IFT80: variants seen among roughly 807,000 people sequenced by gnomAD.
IFT80 encodes the protein intraflagellar transport 80.
In IFT80, 79 loss-of-function variants were observed where a neutral mutation model predicts 107.9. The observed-to-expected ratio is 0.73, with a 90% confidence interval of 0.61 to 0.88. The LOEUF (loss-of-function observed/expected upper bound fraction) is 0.88. Among genes scored for constraint, IFT80 ranks in the 40% least tolerant of loss-of-function variants. The probability of loss-of-function intolerance (pLI) is 0.00; values close to 1 mark genes in which losing one functional copy is unlikely to be tolerated. For missense variants in IFT80, 797 were observed against 914.2 expected (o/e 0.87, Z 1.65); for synonymous variants, 299 against 300.9 (o/e 0.99, Z 0.07).
At chr3:160,299,716 C>G (rs1046547709) in intron 12 of IFT80, among the ~76,000 whole-genome samples, 2 of 152,204 alleles carry the variant, frequency 1.3e-5, no homozygotes, top group Admixed American at 6.5e-5. Context: ...TCTCTAGTCC[C>G]AACCTCTCTC....
chr3:160,372,742 C>A (rs916029624), intron 5 of IFT80, among the ~76,000 whole-genome samples: 1 of 152,056 alleles, frequency 6.6e-6, no homozygotes, highest in Non-Finnish European at 1.5e-5. Context: ...AAATGATAGT[C>A]ATTTCAAAGT....
intron 2 of IFT80, chr3:160,384,056 C>G: frequency 2.4e-6 from 1 of 408,698 alleles, no homozygotes; most frequent in Non-Finnish European, 3.3e-6. Context: ...ACCAGCCTGG[C>G]CAACATGGTG....
intron 16 of IFT80, 108 bp downstream of exon 16, chr3:160,279,085 C>A: frequency 1.2e-6 from 1 of 818,928 alleles, no homozygotes; most frequent in South Asian, 1.6e-5. Context: ...AAGACATGAT[C>A]TTATTCACAA....
intron 1 of IFT80, among the ~76,000 whole-genome samples, chr3:160,392,487 G>A (rs1037653956): frequency 1.3e-5 from 2 of 152,064 alleles, no homozygotes; most frequent in African/African-American, 4.8e-5. Context: ...CTTCAACTTT[G>A]CTCCTACCAC....
intron 8 of IFT80, among the ~76,000 whole-genome samples, chr3:160,349,739 GT>G (rs140673319): frequency 6.6e-6 from 1 of 151,864 alleles, no homozygotes; most frequent in South Asian, 2.1e-4. Flanking sequence ...GCCTTGGCAA[GT>G]TTTTTTTCGA....
At chr3:160,266,100 A>T (rs1178371203) in intron 19 of IFT80, among the ~76,000 whole-genome samples, 1 of 152,090 alleles carries the variant, frequency 6.6e-6, no homozygotes, top group African/African-American at 2.4e-5. Context: ...TTTATGAAGA[A>T]AAGTAGGAAA....
Position 160,307,671 on chromosome 3 carries a change from G to A in IFT80, c.1068C>T (p.Tyr356=), listed in dbSNP as rs774425025. The change falls in exon 10 of 20, where the codon TAC becomes TAT. Residue 356 remains tyrosine (Y), a synonymous_variant. Transcript: ENST00000326448. ...AAATGCAAGATGCTTACGAGAACACGTAACATTGAAGAGACGTTGAAACAA... is the reference window on the plus strand; with the variant it reads ...AAATGCAAGATGCTTACGAGAACACATAACATTGAAGAGACGTTGAAACAA... ...HLVVSTSLQC[Y]VFSTKNWNTP... is the part of the protein sequence containing the mutation. The A allele has an allele frequency of 8.7e-6, 13 of 1,501,116 alleles. No individual in the cohort carries two copies. Among genetic ancestry groups the A allele is most frequent in the African/African-American group, 6.9e-5 (5 of 72,622 alleles). 93.0% of individuals were successfully genotyped at this position (1,501,116 alleles called of 1,614,324 possible).
chr3:160,277,783 T>C, intron 16 of IFT80, 113 bp from the exon 17 acceptor site: 1 of 750,378 alleles, frequency 1.3e-6, no homozygotes, highest in Non-Finnish European at 2.3e-6. Flanking sequence ...AAATAAAAAT[T>C]ACTGAGCAGG....
At chr3:160,333,923 C>T (rs748847163) in intron 8 of IFT80, among the ~76,000 whole-genome samples, 1 of 152,136 alleles carries the variant, frequency 6.6e-6, no homozygotes, top group Admixed American at 6.5e-5. Flanking sequence ...TGGCTGACAG[C>T]GCAGTGGTAT....
At position 160,292,006 on chromosome 3, in the gene IFT80, TTC is replaced by T. The variant is rs749296207; in HGVS notation, c.1316-6140_1316-6139del. On this transcript the variant is annotated intron_variant, in intron 12 of 19. Transcript: ENST00000326448. Reference sequence around the variant, plus strand: ...GAGGCACAAAATACCAGTAAGAACTTTCTGTCTGCCCATGACAGACTGCAGAT... The same window carrying T: ...GAGGCACAAAATACCAGTAAGAACTTTGTCTGCCCATGACAGACTGCAGAT... Among the ~76,000 whole-genome samples, 3 of 152,286 alleles carry T rather than the reference TTC, an allele frequency of 2.0e-5. No homozygotes were observed. The South Asian group carries it at 6.2e-4, about 32-fold the overall frequency.
chr3:160,331,655 T>G (rs2108317997), intron 8 of IFT80, among the ~76,000 whole-genome samples: 1 of 131,654 alleles, frequency 7.6e-6, no homozygotes, highest in Middle Eastern at 3.8e-3. Flanking sequence ...TTCCACATCT[T>G]TTTACCCTTG....
Position 160,282,443 on chromosome 3 carries a change from C to G in IFT80, c.1516+35G>C, listed in dbSNP as rs554046124. On this transcript the variant is annotated intron_variant, in intron 14 of 19. Transcript: ENST00000326448. Reference sequence around the variant, plus strand: ...ATTACAGCAAATATAAGAAAGTTGACAATTAAAACTTAAAATGTATTAAAA... The same window carrying G: ...ATTACAGCAAATATAAGAAAGTTGAGAATTAAAACTTAAAATGTATTAAAA... The G allele has an allele frequency of 7.4e-5, 100 of 1,356,910 alleles. No individual in the cohort carries two copies. In the South Asian group the frequency reaches 1.2e-3, roughly 16 times the overall value. The allele number at this position is 1,356,910 out of a possible 1,614,324, so 84.1% of individuals were successfully genotyped here.
intron 19 of IFT80, among the ~76,000 whole-genome samples, chr3:160,261,705 G>A (rs563638875): frequency 4.7e-5 from 7 of 150,518 alleles, no homozygotes; most frequent in Admixed American, 1.3e-4. Context: ...GAGGGCTCAG[G>A]TGAAAGGATC....
At chr3:160,327,575 G>A (rs576361235) in intron 8 of IFT80, among the ~76,000 whole-genome samples, 2 of 152,132 alleles carry the variant, frequency 1.3e-5, no homozygotes, top group African/African-American at 2.4e-5. Context: ...AAGCAATGAG[G>A]AAAGGAGTCC....
At chr3:160,378,192 T>G (rs1712181187) in intron 3 of IFT80, among the ~76,000 whole-genome samples, 1 of 152,080 alleles carries the variant, frequency 6.6e-6, no homozygotes, top group Non-Finnish European at 1.5e-5. Context: ...TCCATTTTAT[T>G]ATTTTGGTTC....
At chr3:160,339,886 C>G (rs1387540435) in intron 8 of IFT80, among the ~76,000 whole-genome samples, 1 of 152,122 alleles carries the variant, frequency 6.6e-6, no homozygotes, top group Non-Finnish European at 1.5e-5. Context: ...GTATTTTTGT[C>G]TGAAGGGAGG....
chr3:160,322,088 GGTTA>G (rs1718277085), intron 8 of IFT80, among the ~76,000 whole-genome samples: 1 of 151,084 alleles, frequency 6.6e-6, no homozygotes, highest in Admixed American at 6.6e-5. Flanking sequence ...ATAATGTGCA[GGTTA>G]GTTATATATG....
At chr3:160,354,961 T>C (rs1720966637) in intron 8 of IFT80, among the ~76,000 whole-genome samples, 1 of 152,220 alleles carries the variant, frequency 6.6e-6, no homozygotes, top group East Asian at 1.9e-4. Flanking sequence ...AAAAATTCTG[T>C]CTTATTCTGC....
intron 9 of IFT80, among the ~76,000 whole-genome samples, chr3:160,314,904 A>G (rs558886598): frequency 2.0e-5 from 3 of 152,260 alleles, no homozygotes; most frequent in African/African-American, 7.2e-5. Flanking sequence ...ATCAATTTAT[A>G]GGTTTATTTT....
Sources: allele counts gnomAD v4.1 joint callset (sites outside exome capture counted in the v4.1 genomes callset), GRCh38; gene constraint gnomAD v4.1.1; transcripts MANE v1.5; gene names NCBI Gene and HGNC (gene_info 2026-07-23, HGNC 2026-07-21).